Variants in KDM3A observed in about 807,000 individuals in gnomAD.
KDM3A encodes lysine demethylase 3A, also known as lysine-specific demethylase 3A.
KDM3A carries 60 observed loss-of-function variants against 158.0 expected under a neutral mutation model. The ratio of observed to expected loss-of-function variants is 0.38; its 90% CI spans 0.31 to 0.47. The LOEUF (loss-of-function observed/expected upper bound fraction) is 0.47, where lower values mean the gene tolerates loss of function less well. Ranked by LOEUF, KDM3A falls within the 20% of genes least tolerant of loss-of-function variation. The probability of loss-of-function intolerance (pLI) is 0.99; values close to 1 mark genes in which losing one functional copy is unlikely to be tolerated. For missense variants in KDM3A, 1,319 were observed against 1,574.3 expected, an observed-to-expected ratio of 0.84 and a Z score of 2.74; for synonymous variants, 608 against 549.3, an observed-to-expected ratio of 1.11 and a Z score of -1.49.
At chr2:86,466,345 G>A in intron 9 of KDM3A, 27 bp from the exon 10 acceptor site, 1 of 1,576,672 alleles carries the variant, frequency 6.3e-7, no homozygotes, top group South Asian at 1.2e-5. Context: ...AGGCCTGGAT[G>A]CTAGCTTTCT....
intron 19 of KDM3A, 128 bp downstream of exon 19, chr2:86,484,286 C>T (rs1033504549): frequency 7.1e-6 from 5 of 702,062 alleles, no homozygotes; most frequent in Non-Finnish European, 1.2e-5. Flanking sequence ...AAATTAACGT[C>T]TCTCCTCCCC....
At chr2:86,476,943 G>A (rs1029254574) in intron 12 of KDM3A, among the ~76,000 whole-genome samples, 1 of 152,216 alleles carries the variant, frequency 6.6e-6, no homozygotes, top group African/African-American at 2.4e-5. Context: ...GTTCAGGAGA[G>A]AGAGAGACTG....
intron 8 of KDM3A, among the ~76,000 whole-genome samples, chr2:86,463,452 T>C (rs962562040): frequency 1.6e-4 from 24 of 152,306 alleles, no homozygotes; most frequent in African/African-American, 5.5e-4. Context: ...AAAAGGGAAC[T>C]GGGACAGGTG....
At chr2:86,457,709 T>C (rs932966140) in intron 8 of KDM3A, among the ~76,000 whole-genome samples, 1 of 152,146 alleles carries the variant, frequency 6.6e-6, no homozygotes, top group Admixed American at 6.5e-5. Flanking sequence ...TTCTGAGTAG[T>C]TTGGGTGTTG....
intron 2 of KDM3A, among the ~76,000 whole-genome samples, chr2:86,449,374 G>A (rs1683070559): frequency 6.6e-6 from 1 of 152,212 alleles, no homozygotes; most frequent in Admixed American, 6.5e-5. Context: ...GGATTGTGGT[G>A]ATGGGGGGTC....
chr2:86,466,352 T>A lies in KDM3A; in HGVS notation c.1008-20T>A. 1.9e-6 allele frequency: 3 copies of A among 1,584,058 alleles called. No individual in the cohort carries two copies. The highest frequency in any genetic ancestry group is 2.6e-6 in the Non-Finnish European group (3 of 1,166,022). ...ATAAAAAGAGGCCTGGATGCTAGCT[T>A]TCTATATTATATTTTTCAGATGTCA... On this transcript the variant is annotated intron_variant, in intron 9 of 25. Coordinates refer to ENST00000312912, the MANE Select transcript of KDM3A (RefSeq NM_018433.6).
intron 10 of KDM3A, 133 bp from the exon 11 acceptor site, chr2:86,470,071 T>C (rs1408012878): frequency 1.4e-6 from 1 of 690,458 alleles, no homozygotes; most frequent in Non-Finnish European, 2.5e-6. Flanking sequence ...TTTTTAGAAA[T>C]TACAATTGAA....
chr2:86,464,992 C>T (rs1009354007), intron 9 of KDM3A, among the ~76,000 whole-genome samples: 2 of 152,104 alleles, frequency 1.3e-5, no homozygotes, highest in Admixed American at 6.6e-5. Flanking sequence ...GGAGGAGGAG[C>T]AGTCTTCAAA....
rs1252152355 is a variant in KDM3A at position 86,490,920 on chromosome 2, G to A, written c.3613G>A (p.Asp1205Asn). The A allele has an allele frequency of 1.2e-6, 2 of 1,613,470 alleles. No homozygotes were observed. The highest frequency in any genetic ancestry group is 1.7e-6 in the Non-Finnish European group (2 of 1,179,706). The stretch of plus-strand genomic sequence containing the variant: ...AGGTCAAGAAAACCCAGCAGACCAC[G>A]ATCCTATTCATGATCAAAGCTGGTA... The part of the protein sequence containing the change: ...EQGQENPADH[D>N]PIHDQSWYLD... The change falls in exon 24 of 26, where the codon GAT becomes AAT. Residue 1205 changes from aspartate (D) to asparagine (N), a missense_variant. Asp to Asn is a conservative substitution (Grantham distance 23). This residue lies in a region of KDM3A where 186 missense variants were observed against 340.9 expected (regional missense o/e 0.55). Coordinates refer to ENST00000312912, the MANE Select transcript of KDM3A (RefSeq NM_018433.6).
rs746031962 is a variant in KDM3A at position 86,492,074 on chromosome 2, A to G, written c.3921A>G (p.Ala1307=). ...KNVIYHAVKD[A]VAMLKASESS... Reference sequence around the variant, plus strand: ...TTATCTACCATGCAGTGAAAGATGCAGTTGCTATGCTGAAAGCCAGTGAAT... The same window carrying G: ...TTATCTACCATGCAGTGAAAGATGCGGTTGCTATGCTGAAAGCCAGTGAAT... Residue 1307 remains alanine, a synonymous_variant, in exon 26 of 26, where the codon GCA becomes GCG. Transcript: ENST00000312912. 1 of 1,613,456 alleles carries G rather than the reference A, an allele frequency of 6.2e-7. No homozygotes were observed. Among genetic ancestry groups the G allele is most frequent in the Non-Finnish European group, 8.5e-7 (1 of 1,179,614 alleles).
chr2:86,492,255 G>T lies in KDM3A; in HGVS notation c.*136G>T, dbSNP rs1649903888. Reference sequence around the variant, plus strand: ...AACTTGTGAGGGTACTCTGTCTAATGTATATTTCTAGTGTTTACAGACAGT... The same window carrying T: ...AACTTGTGAGGGTACTCTGTCTAATTTATATTTCTAGTGTTTACAGACAGT... On this transcript the variant is annotated 3_prime_UTR_variant, in exon 26 of 26. Coordinates refer to ENST00000312912, the MANE Select transcript of KDM3A (RefSeq NM_018433.6). 1.5e-6 allele frequency: 1 copy of T among 646,644 alleles called. No individual in the cohort carries two copies. The allele number at this position is 646,644 out of a possible 1,614,324, so 40.1% of individuals were successfully genotyped here. A position where few individuals can be genotyped will look rare whatever the true frequency, so the allele number is the denominator to read the frequency against.
rs4594437 is a variant in KDM3A at position 86,442,664 on chromosome 2, A to T, written c.186+431A>T. 656 of 155,066 alleles carry T rather than the reference A, an allele frequency of 4.2e-3. 42 individuals carry two copies. The East Asian group carries it at 0.11, about 27-fold the overall frequency. 9.6% of individuals were successfully genotyped at this position (155,066 alleles called of 1,614,324 possible). A position where few individuals can be genotyped will look rare whatever the true frequency, so the allele number is the denominator to read the frequency against. The stretch of plus-strand genomic sequence containing the variant: ...CTGTTAATTTATTCACTCAACTTTT[A>T]AAAAAACTTTCAGACTTGTTAAAAA... On this transcript the variant is annotated intron_variant, in intron 2 of 25. Coordinates refer to ENST00000312912, the MANE Select transcript of KDM3A (RefSeq NM_018433.6).
At chr2:86,480,808 A>G (rs1376018594) in intron 16 of KDM3A, among the ~76,000 whole-genome samples, 2 of 152,230 alleles carry the variant, frequency 1.3e-5, no homozygotes, top group Admixed American at 6.5e-5. Flanking sequence ...AAAGCTGGCA[A>G]GAGCACAGCT....
intron 14 of KDM3A, 152 bp from the exon 15 acceptor site, chr2:86,478,456 A>G: frequency 1.1e-6 from 1 of 940,926 alleles, no homozygotes. Context: ...AGTAGAAAAG[A>G]AAATGCATTT....
chr2:86,479,955 C>T (rs1001353632), intron 15 of KDM3A: 26 of 574,522 alleles, frequency 4.5e-5, no homozygotes, highest in Non-Finnish European at 7.4e-5. Context: ...TAATACCTTG[C>T]TGTGTTTAAG....
chr2:86,466,698 C>G lies in KDM3A; in HGVS notation c.1334C>G (p.Ser445Cys). ...CAGAAGCACCTAGAACATGCACCTTCCCCATCGGATGTTTCAAATGCACCA... is the reference window on the plus strand; with the variant it reads ...CAGAAGCACCTAGAACATGCACCTTGCCCATCGGATGTTTCAAATGCACCA... ...ELQKHLEHAP[S>C]PSDVSNAPEV... Residue 445 changes from serine (S) to cysteine (C), a missense_variant, in exon 10 of 26, where the codon TCC becomes TGC. Ser to Cys is a moderately radical substitution (Grantham distance 112, BLOSUM62 -1). Around this residue, in one of 4 missense-constraint regions of KDM3A, gnomAD observed 652 missense variants for 627.2 expected, o/e 1.04. Transcript: ENST00000312912. 1.9e-6 allele frequency: 3 copies of G among 1,613,906 alleles called. No individual in the cohort carries two copies. In the South Asian group the frequency reaches 3.3e-5, roughly 18 times the overall value.
chr2:86,476,626 TAATCATTA>T (rs1673671377), intron 12 of KDM3A, among the ~76,000 whole-genome samples: 2 of 152,226 alleles, frequency 1.3e-5, no homozygotes, highest in Admixed American at 1.3e-4. Context: ...CAGTGACAAA[TAATCATTA>T]AACAGGTGGC....
intron 2 of KDM3A, chr2:86,442,586 G>A (rs1682779069): frequency 5.5e-6 from 1 of 181,078 alleles, no homozygotes; most frequent in African/African-American, 2.4e-5. Context: ...GAGTCATTAA[G>A]AATTGAAGGT....
rs1387756555 is a variant in KDM3A at position 86,489,599 on chromosome 2, A to G, written c.3513A>G (p.Gly1171=). Reference sequence around the variant, plus strand: ...TTATTGAAGGAAAAGAGAAGCCAGGAGCACTGTGGCACATATATGCTGCAA... The same window carrying G: ...TTATTGAAGGAAAAGAGAAGCCAGGGGCACTGTGGCACATATATGCTGCAA... ...KRFIEGKEKP[G]ALWHIYAAKD... The change falls in exon 23 of 26, where the codon GGA becomes GGG. Residue 1171 remains glycine (G), a synonymous_variant. Coordinates refer to ENST00000312912, the MANE Select transcript of KDM3A (RefSeq NM_018433.6). 1 of 1,614,088 alleles carries G rather than the reference A, an allele frequency of 6.2e-7. No individual in the cohort carries two copies. Among genetic ancestry groups the G allele is most frequent in the South Asian group, 1.1e-5 (1 of 91,078 alleles).
Sources: allele counts gnomAD v4.1 joint callset (sites outside exome capture counted in the v4.1 genomes callset), GRCh38; gene constraint gnomAD v4.1.1; regional missense constraint gnomAD v4.1.1; transcripts MANE v1.5; gene names NCBI Gene and HGNC (gene_info 2026-07-23, HGNC 2026-07-21).